The following TEAD3 variants were observed in gnomAD, a reference collection of about 807,000 sequenced individuals.
TEAD3 encodes transcriptional enhancer factor TEF-5.
A neutral mutation model predicts 55.6 loss-of-function variants in TEAD3; 15 were observed. The ratio of observed to expected loss-of-function variants is 0.27; its 90% CI spans 0.18 to 0.42. The LOEUF (loss-of-function observed/expected upper bound fraction) is 0.42, where lower values mean the gene tolerates loss of function less well. TEAD3 is among the 10% of genes least tolerant of loss of function. The pLI, the probability that TEAD3 is intolerant of heterozygous loss-of-function variation, is 1.00. For missense variants in TEAD3, 407 were observed against 576.8 expected (o/e 0.71, Z 3.01); for synonymous variants, 210 against 232.2 (o/e 0.90, Z 0.87).
rs566127049 is a variant in TEAD3, at chr6:35,491,215, G to A, written c.-49-4504C>T. Among the ~76,000 whole-genome samples the A allele has an allele frequency of 1.3e-5, 2 of 151,626 alleles. No individual in the cohort carries two copies. Among genetic ancestry groups the A allele is most frequent in the African/African-American group, 2.4e-5 (1 of 41,282 alleles). ...CCCAGGAGAGATGTGGAGGCAGGGC[G>A]GGGGAGTGCTGGACCCTCAGACCCA... On this transcript the variant is annotated intron_variant, in intron 1 of 12. Transcript: ENST00000639578. The surrounding 1 kb of genome is among the most constrained non-coding windows in gnomAD (Gnocchi z 4.4).
rs981838151 is a variant in TEAD3, at chr6:35,488,827, G to A, written c.-49-2116C>T. ...CAACCTCCACCTCCTGGGTTCAAGC[G>A]ATTCTCCTGCCTCAGACTCCCATGC... is the stretch of plus-strand genomic sequence containing the variant. On this transcript the variant is annotated intron_variant, in intron 1 of 12. Transcript: ENST00000639578. The surrounding 1 kb of genome is among the most constrained non-coding windows in gnomAD (Gnocchi z 4.2). Among the ~76,000 whole-genome samples, 18 of 152,154 alleles carry A rather than the reference G, an allele frequency of 1.2e-4. No homozygotes were observed. Among genetic ancestry groups the A allele is most frequent in the African/African-American group, 3.9e-4 (16 of 41,436 alleles).
Position 35,475,164 on chromosome 6 carries a change from G to A in TEAD3, c.1195-7C>T, listed in dbSNP as rs759213534. Reference sequence around the variant, plus strand: ...AGTCCCGGCTCGTGACCACCTGGGGGGTGAGCAGGTAAGAGATTCAGGAGG... The same window carrying A: ...AGTCCCGGCTCGTGACCACCTGGGGAGTGAGCAGGTAAGAGATTCAGGAGG... On this transcript the variant is annotated splice_region_variant and splice_polypyrimidine_tract_variant and intron_variant, in intron 12 of 12. Coordinates refer to ENST00000639578, the Ensembl canonical transcript of TEAD3. The surrounding 1 kb of genome is among the most constrained non-coding windows in gnomAD (Gnocchi z 5.4). 1.9e-6 allele frequency: 3 copies of A among 1,573,680 alleles called. No homozygotes were observed. Among genetic ancestry groups the A allele is most frequent in the Non-Finnish European group, 2.6e-6 (3 of 1,159,170 alleles).
intron 9 of TEAD3, 73 bp from the exon 10 acceptor site, chr6:35,476,165 G>T: frequency 6.5e-7 from 1 of 1,534,406 alleles, no homozygotes. Context: ...AGGGAGCACT[G>T]CACAGGTATA....
chr6:35,486,607 C>T lies in TEAD3; in HGVS notation c.56G>A (p.Gly19Glu), dbSNP rs747827480. The T allele has an allele frequency of 2.5e-6, 4 of 1,613,186 alleles. No homozygotes were observed. Among genetic ancestry groups the T allele is most frequent in the East Asian group, 4.5e-5 (2 of 44,868 alleles). ...CAGCCCCTTGTCCAGGCCCTCGGGC[C>T]CATCCTCCCGGGCCTCCCCGGGGCT... The change falls in exon 2 of 13, where the codon GGG becomes GAG. Residue 19 changes from glycine (G) to glutamate (E), a missense_variant. Physicochemically the swap from Gly to Glu is moderately conservative, Grantham distance 98 (BLOSUM62 -2). Transcript: ENST00000639578. This position sits in a 1 kb window ranked among gnomAD's most constrained non-coding sequence, Gnocchi z 7.3.
In TEAD3 at chr6:35,478,398, A is replaced by G. The variant is rs764626334; in HGVS notation, c.480+36T>C. Reference sequence around the variant, plus strand: ...CACTAAAGCTCATCCTTTACAGCACACCCCCACACCAGCCCACCTCCTGGG... The same window carrying G: ...CACTAAAGCTCATCCTTTACAGCACGCCCCCACACCAGCCCACCTCCTGGG... On this transcript the variant is annotated intron_variant, in intron 6 of 12. Transcript: ENST00000639578. 7 of 1,613,272 alleles carry G rather than the reference A, an allele frequency of 4.3e-6. No individual in the cohort carries two copies. In the East Asian group the frequency reaches 1.6e-4, roughly 36 times the overall value.
At chr6:35,479,839 A>G (rs1279136774) in intron 4 of TEAD3, among the ~76,000 whole-genome samples, 1 of 152,240 alleles carries the variant, frequency 6.6e-6, no homozygotes, top group African/African-American at 2.4e-5. Flanking sequence ...AGAAAAAGAA[A>G]AACAGAGAAG....
chr6:35,487,548 CAAA>C (rs869103103), intron 1 of TEAD3, among the ~76,000 whole-genome samples: 12,862 of 53,626 alleles, frequency 0.24, 1,185 homozygotes, highest in African/African-American at 0.46. Flanking sequence ...CGAGACTCCT[CAAA>C]AAAAAAAAAA....
In TEAD3 at chr6:35,484,763, C is replaced by T. The variant is rs565276790; in HGVS notation, c.203-139G>A. 2.1e-5 allele frequency: 16 copies of T among 775,760 alleles called. No individual in the cohort carries two copies. The South Asian group carries it at 2.4e-4, about 12-fold the overall frequency. The allele number at this position is 775,760 out of a possible 1,614,324, so 48.1% of individuals were successfully genotyped here. A position where few individuals can be genotyped will look rare whatever the true frequency, so the allele number is the denominator to read the frequency against. On this transcript the variant is annotated intron_variant, in intron 2 of 12. Coordinates refer to ENST00000639578, the Ensembl canonical transcript of TEAD3. This position sits in a 1 kb window ranked among gnomAD's most constrained non-coding sequence, Gnocchi z 5.8. ...TGTTCCTCACTCTCTTCACCCCAAGCTGCACATGCAGGGCATGCAAAGGTG... is the reference window on the plus strand; with the variant it reads ...TGTTCCTCACTCTCTTCACCCCAAGTTGCACATGCAGGGCATGCAAAGGTG...
At chr6:35,492,833 G>A (rs1008054115) in intron 1 of TEAD3, among the ~76,000 whole-genome samples, 1 of 152,088 alleles carries the variant, frequency 6.6e-6, no homozygotes, top group African/African-American at 2.4e-5. Flanking sequence ...GTCCCCTGTA[G>A]AGAGAAGGGC....
chr6:35,474,105 C>T (rs1202274683), downstream of TEAD3: 1 of 152,198 alleles, frequency 6.6e-6, no homozygotes, highest in Non-Finnish European at 1.5e-5. Flanking sequence ...AAGCCTTCTG[C>T]TACTCTCTCC....
chr6:35,484,648 TGAG>T lies in TEAD3; in HGVS notation c.203-27_203-25del. The stretch of plus-strand genomic sequence containing the variant: ...GCCTAGATTGGGGTGAGAGAGAAAA[TGAG>T]GAGTGGGCAAAGGGTGGAGCCAGAG... On this transcript the variant is annotated intron_variant, in intron 2 of 12. Transcript: ENST00000639578. The surrounding 1 kb of genome is among the most constrained non-coding windows in gnomAD (Gnocchi z 5.8). 6.4e-7 allele frequency: 1 copy of T among 1,574,698 alleles called. No individual in the cohort carries two copies. The highest frequency in any genetic ancestry group is 8.6e-7 in the Non-Finnish European group (1 of 1,159,368).
At chr6:35,482,792 T>G (rs1399176319) in intron 3 of TEAD3, among the ~76,000 whole-genome samples, 2 of 152,128 alleles carry the variant, frequency 1.3e-5, no homozygotes, top group Non-Finnish European at 2.9e-5. Context: ...AACAGTGACC[T>G]AGTGACCCTT....
At chr6:35,478,211 G>A (rs1768192724) in intron 7 of TEAD3, 64 bp downstream of exon 7, 3 of 1,597,576 alleles carry the variant, frequency 1.9e-6, no homozygotes, top group African/African-American at 1.3e-5. Context: ...AGCCCAAATG[G>A]GAGGGAAGCC....
rs183149669 is a variant in TEAD3 at position 35,483,224 on chromosome 6, C to A, written c.267+1336G>T. Among the ~76,000 whole-genome samples the A allele has an allele frequency of 2.0e-5, 3 of 152,162 alleles. No individual in the cohort carries two copies. Among genetic ancestry groups the A allele is most frequent in the Non-Finnish European group, 4.4e-5 (3 of 68,024 alleles). ...ATAAATGCTTGAATGAATGAGGGAT[C>A]GTTGCCACCCCTACACTGGGTAGGG... is the stretch of plus-strand genomic sequence containing the variant. On this transcript the variant is annotated intron_variant, in intron 3 of 12. Coordinates refer to ENST00000639578, the Ensembl canonical transcript of TEAD3. This position sits in a 1 kb window ranked among gnomAD's most constrained non-coding sequence, Gnocchi z 4.5.
At position 35,484,711 on chromosome 6, in the gene TEAD3, A is replaced by G; in HGVS notation, c.203-87T>C. On this transcript the variant is annotated intron_variant, in intron 2 of 12. Transcript: ENST00000639578. The surrounding 1 kb of genome is among the most constrained non-coding windows in gnomAD (Gnocchi z 5.8). ...CCCCACCCCACCGGGAAGCCACTCCAGGACCCTCCCCAAAACACTGCTCTT... is the reference window on the plus strand; with the variant it reads ...CCCCACCCCACCGGGAAGCCACTCCGGGACCCTCCCCAAAACACTGCTCTT... 1 of 1,175,872 alleles carries G rather than the reference A, an allele frequency of 8.5e-7. No homozygotes were observed. The highest frequency in any genetic ancestry group is 1.2e-6 in the Non-Finnish European group (1 of 807,730). The allele number at this position is 1,175,872 out of a possible 1,614,324, so 72.8% of individuals were successfully genotyped here. A position where few individuals can be genotyped will look rare whatever the true frequency, so the allele number is the denominator to read the frequency against.
chr6:35,475,113 A>C lies in TEAD3; in HGVS notation c.1239T>G (p.Ala413=). ...CACTGGTGGAGACTTCGAAGACAAA[A>C]GCAATGACAAGCAGGGTCTCCTGGG... Residue 413 remains alanine, a synonymous_variant, in exon 13 of 13, where the codon GCT becomes GCG. Transcript: ENST00000639578. The surrounding 1 kb of genome is among the most constrained non-coding windows in gnomAD (Gnocchi z 5.4). 1 of 1,593,882 alleles carries C rather than the reference A, an allele frequency of 6.3e-7. No individual in the cohort carries two copies.
Position 35,475,136 on chromosome 6 carries a change from G to A in TEAD3, c.1216C>T (p.Gln406Ter). Residue 406 changes from glutamine to a stop codon, truncating the protein, a stop_gained, in exon 13 of 13, where the codon CAG becomes TAG. Coordinates refer to ENST00000639578, the Ensembl canonical transcript of TEAD3. LOFTEE classifies it high-confidence loss of function. This position sits in a 1 kb window ranked among gnomAD's most constrained non-coding sequence, Gnocchi z 5.4. ...AAAGCAATGACAAGCAGGGTCTCCT[G>A]GGAGTCCCGGCTCGTGACCACCTGG... 6.3e-7 allele frequency: 1 copy of A among 1,585,626 alleles called. No individual in the cohort carries two copies. Among genetic ancestry groups the A allele is most frequent in the Non-Finnish European group, 8.6e-7 (1 of 1,165,564 alleles).
rs922576463 is a variant in TEAD3 at position 35,485,585 on chromosome 6, C to T, written c.202+876G>A. Reference sequence around the variant, plus strand: ...CTCCCTCCCGCCAGCCCCTCTCCACCCCACTCTCTCCACCCTGTCTAAAAA... The same window carrying T: ...CTCCCTCCCGCCAGCCCCTCTCCACTCCACTCTCTCCACCCTGTCTAAAAA... On this transcript the variant is annotated intron_variant, in intron 2 of 12. Transcript: ENST00000639578. The surrounding 1 kb of genome is among the most constrained non-coding windows in gnomAD (Gnocchi z 4.3). 5.5e-4 allele frequency among the ~76,000 whole-genome samples: 84 copies of T among 152,204 alleles called. No individual in the cohort carries two copies. The highest frequency in any genetic ancestry group is 2.9e-5 in the Non-Finnish European group (2 of 68,026).
In TEAD3 at chr6:35,478,610, G is replaced by C. The variant is rs1425078801; in HGVS notation, c.343-39C>G. On this transcript the variant is annotated intron_variant, in intron 5 of 12. Coordinates refer to ENST00000639578, the Ensembl canonical transcript of TEAD3. ...GCTGCATGAAGCCAGGGCCACGCTG[G>C]ATGAGGCCAGGCTTGCTTTAGCGCC... 3 of 1,555,264 alleles carry C rather than the reference G, an allele frequency of 1.9e-6. No individual in the cohort carries two copies. In the South Asian group the frequency reaches 3.6e-5, roughly 18 times the overall value.
Sources: gnomAD v4.1 joint callset for allele counts (sites outside exome capture counted in the v4.1 genomes callset) on GRCh38, gnomAD v4.1.1 for gene constraint, Gnocchi (gnomAD v3.1) non-coding constraint, MANE v1.5 for transcripts, NCBI Gene and HGNC (gene_info 2026-07-23, HGNC 2026-07-21) for gene names.